Variants in SNX29 observed in about 807,000 individuals in gnomAD.
SNX29 encodes the protein sorting nexin 29.
SNX29 carries 78 observed loss-of-function variants against 102.1 expected under a neutral mutation model. That is an observed-to-expected ratio of 0.76 (90% CI 0.64 to 0.92). The LOEUF (loss-of-function observed/expected upper bound fraction) is 0.92, where lower values mean the gene tolerates loss of function less well. Among genes scored for constraint, SNX29 ranks in the 40% least tolerant of loss-of-function variants. SNX29 has a pLI of 0.00. For missense variants in SNX29, 1,280 were observed against 1,061.7 expected (o/e 1.21, Z -2.86); for synonymous variants, 580 against 414.5 (o/e 1.40, Z -4.85).
Position 12,571,603 on chromosome 16 carries a change from C to G in SNX29, c.*2974C>G. The G allele has an allele frequency of 9.4e-7, 1 of 1,060,312 alleles. No individual in the cohort carries two copies. The highest frequency in any genetic ancestry group is 1.1e-6 in the Non-Finnish European group (1 of 876,006). The allele number at this position is 1,060,312 out of a possible 1,614,324, so 65.7% of individuals were successfully genotyped here. On this transcript the variant is annotated 3_prime_UTR_variant, in exon 21 of 21. Coordinates refer to ENST00000566228, the MANE Select transcript of SNX29 (RefSeq NM_032167.5). ...GGCCTGCTGTGCTGAAACAGAACAG[C>G]AGGTTCCATCTTTCACATCTTTTTT... is the stretch of plus-strand genomic sequence containing the variant.
At chr16:12,522,816 G>C (rs979333000) in intron 19 of SNX29, among the ~76,000 whole-genome samples, 7 of 152,142 alleles carry the variant, frequency 4.6e-5, no homozygotes, top group Non-Finnish European at 8.8e-5. Flanking sequence ...ATAGCAGTGT[G>C]AGAATGGACT....
At chr16:12,351,539 A>G (rs986232467) in intron 15 of SNX29, among the ~76,000 whole-genome samples, 28 of 152,192 alleles carry the variant, frequency 1.8e-4, no homozygotes, top group African/African-American at 6.5e-4. Context: ...ATGTGATTAG[A>G]TGGAGGGAAC....
At chr16:12,298,651 A>G (rs538630462) in intron 15 of SNX29, among the ~76,000 whole-genome samples, 1 of 152,364 alleles carries the variant, frequency 6.6e-6, no homozygotes, top group Non-Finnish European at 1.5e-5. Flanking sequence ...AATGAGAGAC[A>G]GAAAATACTC....
At chr16:12,495,496 A>G (rs2088776891) in intron 19 of SNX29, among the ~76,000 whole-genome samples, 2 of 152,240 alleles carry the variant, frequency 1.3e-5, no homozygotes, top group African/African-American at 4.8e-5. Flanking sequence ...GCTACCCAGA[A>G]TAAGTTAGTT....
rs1428418935 is a variant in SNX29 at position 12,571,733 on chromosome 16, G to T, written c.*3104G>T. ...AAGGGAGGGAGCTTAAAGGCTGCTA[G>T]AAACCTAGCCCAACCATCCACTCCT... On this transcript the variant is annotated 3_prime_UTR_variant, in exon 21 of 21. Coordinates refer to ENST00000566228, the MANE Select transcript of SNX29 (RefSeq NM_032167.5). 2 of 1,043,310 alleles carry T rather than the reference G, an allele frequency of 1.9e-6. No homozygotes were observed. Among genetic ancestry groups the T allele is most frequent in the African/African-American group, 3.3e-5 (2 of 60,442 alleles). 64.6% of individuals were successfully genotyped at this position (1,043,310 alleles called of 1,614,324 possible).
At chr16:12,469,646 C>G (rs916516344) in intron 18 of SNX29, among the ~76,000 whole-genome samples, 1 of 152,142 alleles carries the variant, frequency 6.6e-6, no homozygotes, top group Non-Finnish European at 1.5e-5. Flanking sequence ...GTGCTAGTTC[C>G]GCTGCTCACT....
At chr16:11,977,566 C>G (rs1030413421) in intron 1 of SNX29, 4 of 152,884 alleles carry the variant, frequency 2.6e-5, no homozygotes, top group African/African-American at 9.6e-5. Flanking sequence ...CCCTTCCCTT[C>G]TTGTCCCGTG....
rs540709875 is a variant in SNX29, at chr16:12,387,052, G to C, written c.1900-11394G>C. ...AGGCAGGAGAATCACTTGAACCTGG[G>C]AGGCAGAGGCTGCAGTGAGCCGAGA... On this transcript the variant is annotated intron_variant, in intron 16 of 20. Coordinates refer to ENST00000566228, the MANE Select transcript of SNX29 (RefSeq NM_032167.5). Among the ~76,000 whole-genome samples the C allele has an allele frequency of 1.1e-3, 164 of 152,208 alleles. 1 individual carries two copies. The highest frequency in any genetic ancestry group is 3.8e-3 in the African/African-American group (158 of 41,524).
intron 20 of SNX29, among the ~76,000 whole-genome samples, chr16:12,563,461 A>G (rs977340940): frequency 5.3e-5 from 8 of 152,224 alleles, no homozygotes; most frequent in East Asian, 1.9e-4. Flanking sequence ...AGGAAACCTA[A>G]TAGGGTAAAA....
chr16:12,368,431 C>A (rs2082565881), intron 16 of SNX29, among the ~76,000 whole-genome samples: 1 of 152,232 alleles, frequency 6.6e-6, no homozygotes, highest in Admixed American at 6.5e-5. Context: ...GAGGCATTTT[C>A]CACACTGGCT....
intron 20 of SNX29, among the ~76,000 whole-genome samples, chr16:12,551,709 C>G (rs1281468401): frequency 2.6e-5 from 4 of 152,182 alleles, no homozygotes; most frequent in African/African-American, 9.7e-5. Flanking sequence ...AGGTGGTGAG[C>G]CAACTTGTGA....
chr16:12,224,548 T>G (rs1211502677), intron 14 of SNX29, among the ~76,000 whole-genome samples: 1 of 152,098 alleles, frequency 6.6e-6, no homozygotes, highest in Non-Finnish European at 1.5e-5. Context: ...GAAGGGTTCT[T>G]GGAGAAAGTG....
intron 18 of SNX29, among the ~76,000 whole-genome samples, chr16:12,445,107 T>C (rs1010246898): frequency 4.6e-5 from 7 of 152,168 alleles, no homozygotes; most frequent in Non-Finnish European, 1.0e-4. Context: ...CACCTCGGCC[T>C]CTCAAAGTGC....
chr16:12,162,250 G>A (rs1238859681), intron 13 of SNX29, among the ~76,000 whole-genome samples: 2 of 152,108 alleles, frequency 1.3e-5, no homozygotes, highest in Non-Finnish European at 2.9e-5. Flanking sequence ...CGCCTCCGAG[G>A]GGCCTCGTCT....
chr16:12,338,994 G>GCCGT (rs34034298), intron 15 of SNX29, among the ~76,000 whole-genome samples: 47,316 of 151,860 alleles, frequency 0.31, 8,571 homozygotes, highest in South Asian at 0.57. Flanking sequence ...TCCACCTGTG[G>GCCGT]CCGTCATGGG....
At chr16:12,398,976 C>T (rs1410534352) in intron 17 of SNX29, among the ~76,000 whole-genome samples, 1 of 152,154 alleles carries the variant, frequency 6.6e-6, no homozygotes. Flanking sequence ...GTAGTCCATG[C>T]CTTGGTCGGA....
chr16:12,065,868 C>T (rs1342916614), intron 9 of SNX29, among the ~76,000 whole-genome samples: 1 of 152,114 alleles, frequency 6.6e-6, no homozygotes, highest in Non-Finnish European at 1.5e-5. Context: ...AACCTTTGCA[C>T]TTGTTAGTTC....
At chr16:12,085,349 C>T (rs1481021087) in intron 11 of SNX29, among the ~76,000 whole-genome samples, 5 of 152,298 alleles carry the variant, frequency 3.3e-5, no homozygotes, top group East Asian at 3.9e-4. Context: ...TCCTTTTGGA[C>T]GGCGTCTCGC....
chr16:12,024,729 T>G (rs2057139992), intron 3 of SNX29, among the ~76,000 whole-genome samples: 1 of 152,232 alleles, frequency 6.6e-6, no homozygotes, highest in African/African-American at 2.4e-5. Flanking sequence ...TATCTAGAGC[T>G]GGCTGGGCAG....
Sources: gnomAD v4.1 joint callset for allele counts (sites outside exome capture counted in the v4.1 genomes callset) on GRCh38, gnomAD v4.1.1 for gene constraint, MANE v1.5 for transcripts, NCBI Gene and HGNC (gene_info 2026-07-23, HGNC 2026-07-21) for gene names.